USH2A: variants seen among roughly 807,000 people sequenced by gnomAD.
USH2A encodes Usher syndrome 2A (autosomal recessive, mild).
A neutral mutation model predicts 538.9 loss-of-function variants in USH2A; 443 were observed. The ratio of observed to expected loss-of-function variants is 0.82; its 90% CI spans 0.76 to 0.89. USH2A has a LOEUF of 0.89. USH2A is among the 40% of genes least tolerant of loss of function. The probability of loss-of-function intolerance (pLI) is 0.00; values close to 1 mark genes in which losing one functional copy is unlikely to be tolerated. For missense variants in USH2A, 6,633 were observed against 6,324.8 expected (o/e 1.05, Z -1.65); for synonymous variants, 2,413 against 2,273.5 (o/e 1.06, Z -1.75).
At chr1:216,410,806 G>C (rs2039475279) in intron 3 of USH2A, among the ~76,000 whole-genome samples, 1 of 151,924 alleles carries the variant, frequency 6.6e-6, no homozygotes, top group African/African-American at 2.4e-5. Context: ...TCATCAACAA[G>C]CCCTTTAATT....
In USH2A at chr1:216,101,985, G is replaced by A. The variant is rs538329458; in HGVS notation, c.4628-4772C>T. ...TTAATCATAAAAATCATACACGTTC[G>A]GGGCCATGGATTAGGCAAAGAATTC... On this transcript the variant is annotated intron_variant, in intron 21 of 71. Transcript: ENST00000307340. Among the ~76,000 whole-genome samples, 32 of 152,132 alleles carry A rather than the reference G, an allele frequency of 2.1e-4. 1 individual carries two copies. The South Asian group carries it at 4.8e-3, about 23-fold the overall frequency.
rs1272544421 is a variant in USH2A at position 216,072,769 on chromosome 1, GCT to G, written c.5857+118_5857+119del. ...CAGATGTATTTTCAAACCAAGGCAT[GCT>G]CTGTCAGAAGACTACAAAAATATTA... On this transcript the variant is annotated intron_variant, in intron 29 of 71. Coordinates refer to ENST00000307340, the MANE Select transcript of USH2A (RefSeq NM_206933.4). 3 of 952,856 alleles carry G rather than the reference GCT, an allele frequency of 3.1e-6. No individual in the cohort carries two copies. In the African/African-American group the frequency reaches 4.8e-5, roughly 15 times the overall value. 59.0% of individuals were successfully genotyped at this position (952,856 alleles called of 1,614,324 possible). A position where few individuals can be genotyped will look rare whatever the true frequency, so the allele number is the denominator to read the frequency against.
chr1:216,145,219 A>G (rs1007220865), intron 21 of USH2A, among the ~76,000 whole-genome samples: 1 of 152,158 alleles, frequency 6.6e-6, no homozygotes, highest in Non-Finnish European at 1.5e-5. Flanking sequence ...CTAAATTCCA[A>G]TTCCAAATTC....
intron 3 of USH2A, among the ~76,000 whole-genome samples, chr1:216,373,136 G>A (rs945403031): frequency 2.0e-5 from 3 of 152,132 alleles, no homozygotes; most frequent in African/African-American, 7.2e-5. Flanking sequence ...AGCACATTAT[G>A]ATATGCTAAG....
chr1:215,721,614 A>C (rs1293268078), intron 61 of USH2A, among the ~76,000 whole-genome samples: 2 of 152,190 alleles, frequency 1.3e-5, no homozygotes, highest in African/African-American at 4.8e-5. Flanking sequence ...AATAATGTTG[A>C]GCAAAAGGTA....
intron 61 of USH2A, among the ~76,000 whole-genome samples, chr1:215,693,152 ATTTT>A (rs34085776): frequency 6.9e-6 from 1 of 144,802 alleles, no homozygotes; most frequent in East Asian, 2.0e-4. Flanking sequence ...ACACATATGT[ATTTT>A]TTTTTGTGGA....
At chr1:215,857,876 G>A (rs1257943704) in intron 44 of USH2A, among the ~76,000 whole-genome samples, 2 of 152,148 alleles carry the variant, frequency 1.3e-5, no homozygotes, top group Non-Finnish European at 2.9e-5. Flanking sequence ...CCCTAATGGT[G>A]TATAGCCAGG....
intron 9 of USH2A, among the ~76,000 whole-genome samples, chr1:216,317,389 T>A (rs2037528309): frequency 6.6e-6 from 1 of 152,028 alleles, no homozygotes; most frequent in Admixed American, 6.6e-5. Flanking sequence ...TTGGGGCCTC[T>A]TAGGGATGGT....
intron 13 of USH2A, among the ~76,000 whole-genome samples, chr1:216,242,117 C>T (rs538310795): frequency 1.3e-3 from 190 of 151,670 alleles, no homozygotes; most frequent in Non-Finnish European, 2.2e-3. Flanking sequence ...TTTGGGAGGC[C>T]TAGGCAGGCA....
chr1:216,238,772 T>C (rs2035877892), intron 13 of USH2A, among the ~76,000 whole-genome samples: 1 of 152,176 alleles, frequency 6.6e-6, no homozygotes, highest in African/African-American at 2.4e-5. Flanking sequence ...AGAATCTATG[T>C]GCAGTCATCT....
At chr1:216,069,721 A>G (rs908598397) in intron 30 of USH2A, among the ~76,000 whole-genome samples, 1 of 152,178 alleles carries the variant, frequency 6.6e-6, no homozygotes, top group Non-Finnish European at 1.5e-5. Context: ...TTTACAATAA[A>G]TAATAGTGGT....
At chr1:216,014,115 T>G (rs1046191791) in intron 32 of USH2A, among the ~76,000 whole-genome samples, 1 of 151,132 alleles carries the variant, frequency 6.6e-6, no homozygotes, top group Non-Finnish European at 1.5e-5. Context: ...AGAACCTAAT[T>G]TGACATGTGG....
chr1:216,330,908 C>T (rs994260586), intron 4 of USH2A, among the ~76,000 whole-genome samples: 8 of 151,996 alleles, frequency 5.3e-5, no homozygotes, highest in African/African-American at 1.7e-4. Context: ...AATTAGAATT[C>T]ACTCCCTATA....
chr1:216,144,493 C>T (rs2033657810), intron 21 of USH2A, among the ~76,000 whole-genome samples: 1 of 151,896 alleles, frequency 6.6e-6, no homozygotes, highest in Non-Finnish European at 1.5e-5. Flanking sequence ...AAATAAACCC[C>T]AGGAAAATAT....
intron 12 of USH2A, among the ~76,000 whole-genome samples, chr1:216,248,127 C>T (rs1388025481): frequency 6.6e-6 from 1 of 152,016 alleles, no homozygotes; most frequent in African/African-American, 2.4e-5. Flanking sequence ...AATCACATTG[C>T]TTGTCATCTT....
At chr1:216,291,866 C>T (rs541553676) in intron 10 of USH2A, among the ~76,000 whole-genome samples, 19 of 152,148 alleles carry the variant, frequency 1.2e-4, no homozygotes, top group African/African-American at 1.7e-4. Context: ...TAAGCATTCC[C>T]GAGTTATTCT....
rs876657627 is a variant in USH2A, at chr1:216,190,306, C to G, written c.4313G>C (p.Arg1438Thr). ...GAGAGTAATAGTAAACTCATATATC[C>G]TATAAGGTTTCAGTCCTTCTACAGT... ...SYTVEGLKPY[R>T]IYEFTITLCN... The change falls in exon 20 of 72, where the codon AGG becomes ACG. Residue 1438 changes from arginine (R) to threonine (T), a missense_variant. By Grantham distance (71) the Arg-to-Thr change is moderately conservative. Coordinates refer to ENST00000307340, the MANE Select transcript of USH2A (RefSeq NM_206933.4). The G allele has an allele frequency of 1.2e-6, 2 of 1,612,262 alleles. No homozygotes were observed. Among genetic ancestry groups the G allele is most frequent in the Admixed American group, 1.7e-5 (1 of 59,802 alleles).
Position 216,327,581 on chromosome 1 carries a change from A to G in USH2A, c.848+10T>C. 6.2e-7 allele frequency: 1 copy of G among 1,613,056 alleles called. No individual in the cohort carries two copies. Among genetic ancestry groups the G allele is most frequent in the Non-Finnish European group, 8.5e-7 (1 of 1,179,362 alleles). ...CGGTTCTTGAGGTTTACAATGCAAC[A>G]TCTGCTTACCTGTTTGTAAGTGCCA... is the stretch of plus-strand genomic sequence containing the variant. On this transcript the variant is annotated intron_variant, in intron 5 of 71. Transcript: ENST00000307340.
chr1:216,231,135 T>G (rs1349727447), intron 14 of USH2A, among the ~76,000 whole-genome samples: 1 of 146,984 alleles, frequency 6.8e-6, no homozygotes. Context: ...TCTTTAAAGC[T>G]AAATTAGAAA....
Sources: allele counts gnomAD v4.1 joint callset (sites outside exome capture counted in the v4.1 genomes callset), GRCh38; gene constraint gnomAD v4.1.1; transcripts MANE v1.5; gene names NCBI Gene and HGNC (gene_info 2026-07-23, HGNC 2026-07-21).